Variants in SUMF1 observed in about 807,000 individuals in gnomAD.
The protein encoded by SUMF1 is formylglycine-generating enzyme.
In SUMF1, 48 loss-of-function variants were observed where a neutral mutation model predicts 47.6. The ratio of observed to expected loss-of-function variants is 1.01; its 90% CI spans 0.80 to 1.28. The LOEUF (loss-of-function observed/expected upper bound fraction) is 1.28, where lower values mean the gene tolerates loss of function less well. SUMF1 is among the 50% of genes most tolerant of loss of function. The pLI, the probability that SUMF1 is intolerant of heterozygous loss-of-function variation, is 0.00. For synonymous variants in SUMF1, 230 were observed against 192.1 expected, an observed-to-expected ratio of 1.20 and a Z score of -1.63; for missense variants, 571 against 485.4, an observed-to-expected ratio of 1.18 and a Z score of -1.66.
At position 4,427,789 on chromosome 3, in the gene SUMF1, G is replaced by A. The variant is rs556650663; in HGVS notation, c.520-7643C>T. Among the ~76,000 whole-genome samples, 158 of 152,068 alleles carry A rather than the reference G, an allele frequency of 1.0e-3. 1 individual carries two copies. Among genetic ancestry groups the A allele is most frequent in the Non-Finnish European group, 2.1e-3 (140 of 68,010 alleles). ...CAAAACATTTCATGTCCTTAAGAAA[G>A]GAGTGGAAATTCTAGGCAGAATTTC... On this transcript the variant is annotated intron_variant, in intron 3 of 8. Transcript: ENST00000272902.
intron 8 of SUMF1, among the ~76,000 whole-genome samples, chr3:4,132,096 T>A (rs1239284265): frequency 6.6e-6 from 1 of 152,112 alleles, no homozygotes; most frequent in African/African-American, 2.4e-5. Context: ...TCTTCCATCA[T>A]GGAAAGGGCA....
chr3:4,353,001 C>T (rs1037002681), intron 8 of SUMF1, among the ~76,000 whole-genome samples: 1 of 152,192 alleles, frequency 6.6e-6, no homozygotes, highest in African/African-American at 2.4e-5. Context: ...CCTAGATGAA[C>T]AGCTCTCAGG....
chr3:4,155,542 G>A (rs1200077122), intron 8 of SUMF1, among the ~76,000 whole-genome samples: 4 of 151,416 alleles, frequency 2.6e-5, no homozygotes, highest in Admixed American at 2.0e-4. Flanking sequence ...CATTCATGGT[G>A]AGAAAATAGC....
chr3:4,171,754 C>G (rs1694837557), intron 8 of SUMF1, among the ~76,000 whole-genome samples: 2 of 152,082 alleles, frequency 1.3e-5, no homozygotes, highest in African/African-American at 4.8e-5. Context: ...GAGTTGTAGG[C>G]TGGGAAGCAC....
intron 8 of SUMF1, among the ~76,000 whole-genome samples, chr3:4,160,306 C>T (rs1250716852): frequency 6.6e-6 from 1 of 151,986 alleles, no homozygotes. Context: ...GTGGTACAAT[C>T]TTGACTCATT....
At chr3:4,371,600 TG>T (rs775726275) in intron 8 of SUMF1, among the ~76,000 whole-genome samples, 17 of 152,202 alleles carry the variant, frequency 1.1e-4, no homozygotes, top group Non-Finnish European at 2.1e-4. Context: ...CTCTTCATCT[TG>T]GTAGGATGGT....
chr3:4,101,140 G>A (rs1045229094), intron 8 of SUMF1, among the ~76,000 whole-genome samples: 1 of 151,718 alleles, frequency 6.6e-6, no homozygotes, highest in South Asian at 2.1e-4. Context: ...CTCATTACCA[G>A]GTATATACCC....
chr3:4,150,537 G>A (rs752707980), intron 8 of SUMF1, among the ~76,000 whole-genome samples: 2 of 123,890 alleles, frequency 1.6e-5, no homozygotes, highest in African/African-American at 2.9e-5. Context: ...ACTCCAGAGT[G>A]AGACTCCGTC....
chr3:4,314,302 A>T (rs184140541), intron 8 of SUMF1: 1 of 153,886 alleles, frequency 6.5e-6, no homozygotes, highest in East Asian at 1.9e-4. Flanking sequence ...ACTAACATCG[A>T]ACCTAATAAT....
At chr3:4,168,099 G>C (rs1251095019) in intron 8 of SUMF1, among the ~76,000 whole-genome samples, 1 of 152,000 alleles carries the variant, frequency 6.6e-6, no homozygotes, top group Non-Finnish European at 1.5e-5. Flanking sequence ...CTATTTTCAG[G>C]GAGTTTACAG....
At chr3:4,367,478 A>C (rs1700015810) in intron 8 of SUMF1, among the ~76,000 whole-genome samples, 1 of 152,048 alleles carries the variant, frequency 6.6e-6, no homozygotes, top group Non-Finnish European at 1.5e-5. Context: ...AGAATTGGAA[A>C]AAACTACTTT....
At chr3:4,212,440 T>C (rs1188958341) in intron 8 of SUMF1, among the ~76,000 whole-genome samples, 1 of 151,864 alleles carries the variant, frequency 6.6e-6, no homozygotes, top group Non-Finnish European at 1.5e-5. Context: ...GGTAGATAAA[T>C]CTACAAAAAT....
Position 4,214,795 on chromosome 3 carries a change from G to GA in SUMF1, c.1015-146051dup, listed in dbSNP as rs575599754. Among the ~76,000 whole-genome samples the GA allele has an allele frequency of 9.2e-4, 139 of 151,898 alleles. 5 individuals are homozygous for GA. In the South Asian group the frequency reaches 0.028, roughly 30 times the overall value. On this transcript the variant is annotated intron_variant and NMD_transcript_variant, in intron 8 of 12. Transcript: ENST00000448413. The stretch of plus-strand genomic sequence containing the variant: ...CTGCGAAAATAAGCTAAAAAACCTA[G>GA]AAAAAATGAATAAATTCCTGGACAC...
At chr3:4,211,121 TACACACAC>T (rs1553609385) in intron 8 of SUMF1, among the ~76,000 whole-genome samples, 4 of 128,286 alleles carry the variant, frequency 3.1e-5, no homozygotes, top group Non-Finnish European at 3.3e-5. Context: ...TATATATATA[TACACACAC>T]ACACACATAT....
rs112582575 is a variant in SUMF1 at position 4,416,416 on chromosome 3, A to C, written c.840+712T>G. The stretch of plus-strand genomic sequence containing the variant: ...TGTGGCATACTGCTAATGACAGATG[A>C]AACGTTTCTGATATAGGCAGGAAAA... On this transcript the variant is annotated intron_variant, in intron 6 of 8. Coordinates refer to ENST00000272902, the MANE Select transcript of SUMF1 (RefSeq NM_182760.4). Among the ~76,000 whole-genome samples, 380 of 152,344 alleles carry C rather than the reference A, an allele frequency of 2.5e-3. 3 individuals are homozygous for C. Among genetic ancestry groups the C allele is most frequent in the African/African-American group, 8.6e-3 (358 of 41,582 alleles).
chr3:4,430,910 C>T (rs1019922990), intron 3 of SUMF1, among the ~76,000 whole-genome samples: 15 of 152,108 alleles, frequency 9.9e-5, no homozygotes, highest in African/African-American at 3.6e-4. Context: ...TGTACTTGAA[C>T]TAATCCAGAA....
At chr3:4,357,036 C>A (rs1688412), downstream of SUMF1, among the ~76,000 whole-genome samples, 62,701 of 151,966 alleles carry the variant, frequency 0.41, 15,748 homozygotes, top group African/African-American at 0.69. Context: ...CACTGCCCAC[C>A]TTAAAGTCGA....
At chr3:4,331,151 C>T (rs962702997) in intron 8 of SUMF1, among the ~76,000 whole-genome samples, 12 of 151,774 alleles carry the variant, frequency 7.9e-5, no homozygotes, top group Non-Finnish European at 2.9e-5. Context: ...TACTTTAGGA[C>T]AAAAATTTAC....
At chr3:4,039,357 T>G (rs1410621884) in intron 9 of SUMF1, among the ~76,000 whole-genome samples, 1 of 98,280 alleles carries the variant, frequency 1.0e-5, no homozygotes, top group African/African-American at 3.7e-5. Context: ...TATCTCCCAA[T>G]GCTATCCCTC....
Sources: allele counts gnomAD v4.1 joint callset (sites outside exome capture counted in the v4.1 genomes callset), GRCh38; gene constraint gnomAD v4.1.1; transcripts MANE v1.5; gene names NCBI Gene and HGNC (gene_info 2026-07-23, HGNC 2026-07-21).